The following FAM185A variants were observed in gnomAD, a reference collection of about 807,000 sequenced individuals.
FAM185A encodes protein FAM185A.
FAM185A carries 21 observed loss-of-function variants against 45.7 expected under a neutral mutation model. That is an observed-to-expected ratio of 0.46 (90% CI 0.33 to 0.66). The LOEUF (loss-of-function observed/expected upper bound fraction) is 0.66, where lower values mean the gene tolerates loss of function less well. FAM185A is among the 30% of genes least tolerant of loss of function. FAM185A has a pLI of 0.03. For missense variants in FAM185A, 305 were observed against 485.4 expected, an observed-to-expected ratio of 0.63 and a Z score of 3.49; for synonymous variants, 117 against 194.0, an observed-to-expected ratio of 0.60 and a Z score of 3.30.
intron 7 of FAM185A, among the ~76,000 whole-genome samples, chr7:102,788,878 T>G (rs1196028444): frequency 6.6e-6 from 1 of 152,164 alleles, no homozygotes; most frequent in Non-Finnish European, 1.5e-5. Context: ...TATATCTATA[T>G]ATAGAAAAGG....
intron 7 of FAM185A, among the ~76,000 whole-genome samples, chr7:102,793,430 TC>T (rs1043129171): frequency 6.6e-6 from 1 of 152,084 alleles, no homozygotes; most frequent in Non-Finnish European, 1.5e-5. Flanking sequence ...CAGGCTGGTC[TC>T]ACCTCCTGAC....
At chr7:102,801,921 CAA>C (rs200430332) in intron 7 of FAM185A, among the ~76,000 whole-genome samples, 3,164 of 125,184 alleles carry the variant, frequency 0.025, 114 homozygotes, top group African/African-American at 0.081. Flanking sequence ...GACTACGTCT[CAA>C]AAAAAAAAAA....
At chr7:102,770,603 C>T (rs1427971088) in intron 4 of FAM185A, among the ~76,000 whole-genome samples, 1 of 152,132 alleles carries the variant, frequency 6.6e-6, no homozygotes, top group East Asian at 1.9e-4. Flanking sequence ...ACATGAAAAA[C>T]TGTTCCAAAT....
chr7:102,847,862 T>C, the FAM185A span, among the ~76,000 whole-genome samples: 4 of 152,172 alleles, frequency 2.6e-5, no homozygotes, highest in Admixed American at 2.0e-4. Context: ...CTTTAAATAC[T>C]GACCATCATC....
At chr7:102,802,625 T>C (rs1796861547) in intron 7 of FAM185A, among the ~76,000 whole-genome samples, 3 of 151,840 alleles carry the variant, frequency 2.0e-5, no homozygotes, top group Admixed American at 6.6e-5. Flanking sequence ...CATTCTAAGG[T>C]CACACATCAA....
chr7:102,811,877 T>C (rs945187185), downstream of FAM185A, among the ~76,000 whole-genome samples: 1 of 152,246 alleles, frequency 6.6e-6, no homozygotes, highest in Non-Finnish European at 1.5e-5. Context: ...TAAGTAATAT[T>C]ACCTTATTTC....
At chr7:102,750,296 G>A (rs568815623) in intron 1 of FAM185A, among the ~76,000 whole-genome samples, 1 of 152,262 alleles carries the variant, frequency 6.6e-6, no homozygotes, top group Admixed American at 6.5e-5. Context: ...CACTTTTCTA[G>A]GAAGGGCTCC....
At chr7:102,815,767 A>G in the FAM185A span, among the ~76,000 whole-genome samples, 70 of 152,234 alleles carry the variant, frequency 4.6e-4, no homozygotes, top group East Asian at 0.011. Context: ...GTAAGAGGAT[A>G]AGTACTACTA....
the FAM185A span, chr7:102,822,332 T>C: frequency 1.1e-6 from 1 of 890,600 alleles, no homozygotes; most frequent in Admixed American, 1.9e-5. Context: ...CATTTATTTC[T>C]CACAGTTCTA....
At chr7:102,767,102 T>A (rs1425700344) in intron 4 of FAM185A, among the ~76,000 whole-genome samples, 1 of 151,606 alleles carries the variant, frequency 6.6e-6, no homozygotes, top group African/African-American at 2.4e-5. Flanking sequence ...GGCCACAACT[T>A]TTTTATATGA....
chr7:102,793,761 G>A (rs148578669), intron 7 of FAM185A, among the ~76,000 whole-genome samples: 7,278 of 151,378 alleles, frequency 0.048, 266 homozygotes, highest in East Asian at 0.13. Context: ...AAGCCCGGCC[G>A]GGCACGGTCG....
chr7:102,752,093 T>C (rs1793398257), intron 2 of FAM185A, among the ~76,000 whole-genome samples: 1 of 152,004 alleles, frequency 6.6e-6, no homozygotes, highest in Non-Finnish European at 1.5e-5. Flanking sequence ...AATTTTAGTT[T>C]CCACAAATGA....
At chr7:102,822,246 T>C in the FAM185A span, 14 of 1,592,206 alleles carry the variant, frequency 8.8e-6, no homozygotes, top group African/African-American at 1.5e-4. Context: ...TCAAACACTA[T>C]CTCAGGGAAG....
the FAM185A span, among the ~76,000 whole-genome samples, chr7:102,821,401 A>G: frequency 6.6e-6 from 1 of 152,208 alleles, no homozygotes; most frequent in Non-Finnish European, 1.5e-5. Flanking sequence ...TTGGATAAGA[A>G]ACCATGTTCT....
the FAM185A span, among the ~76,000 whole-genome samples, chr7:102,825,415 G>A: frequency 6.6e-6 from 1 of 152,166 alleles, no homozygotes; most frequent in African/African-American, 2.4e-5. Context: ...CGTTGCCTTG[G>A]AATTCTGCAG....
At chr7:102,798,973 C>A (rs1796611685) in intron 7 of FAM185A, among the ~76,000 whole-genome samples, 1 of 152,194 alleles carries the variant, frequency 6.6e-6, no homozygotes, top group Admixed American at 6.5e-5. Context: ...GTCTCAAACT[C>A]CTGACGTCAG....
At chr7:102,810,091 C>G (rs960681145), downstream of FAM185A, among the ~76,000 whole-genome samples, 3 of 152,184 alleles carry the variant, frequency 2.0e-5, no homozygotes, top group African/African-American at 7.2e-5. Context: ...GCTTTCACAG[C>G]CTGCAGAACC....
chr7:102,772,643 T>G (rs1794823982), intron 5 of FAM185A, among the ~76,000 whole-genome samples, 193 bp downstream of exon 5: 1 of 151,108 alleles, frequency 6.6e-6, no homozygotes, highest in Non-Finnish European at 1.5e-5. Context: ...TATTAAGAAA[T>G]GTCTTATATT....
intron 6 of FAM185A, among the ~76,000 whole-genome samples, chr7:102,781,406 C>A (rs1271884726): frequency 2.0e-5 from 3 of 152,214 alleles, no homozygotes; most frequent in Admixed American, 2.0e-4. Flanking sequence ...TGGGAGGTAT[C>A]CCCCAGTACG....
Sources: allele counts gnomAD v4.1 joint callset (sites outside exome capture counted in the v4.1 genomes callset), GRCh38; gene constraint gnomAD v4.1.1; transcripts MANE v1.5; gene names NCBI Gene and HGNC (gene_info 2026-07-23, HGNC 2026-07-21).